The following FBXL2 variants were observed in gnomAD, a reference collection of about 807,000 sequenced individuals.
The protein encoded by FBXL2 is F-box/LRR-repeat protein 2.
In FBXL2, 38 loss-of-function variants were observed where a neutral mutation model predicts 69.2. The ratio of observed to expected loss-of-function variants is 0.55; its 90% CI spans 0.42 to 0.72. The LOEUF is 0.72. Among genes scored for constraint, FBXL2 ranks in the 30% least tolerant of loss-of-function variants. The pLI, the probability that FBXL2 is intolerant of heterozygous loss-of-function variation, is 0.00. For synonymous variants in FBXL2, 192 were observed against 201.3 expected, an observed-to-expected ratio of 0.95 and a Z score of 0.39; for missense variants, 354 against 520.3, an observed-to-expected ratio of 0.68 and a Z score of 3.11.
At chr3:33,382,817 G>A (rs543672715) in intron 13 of FBXL2, 4 of 152,216 alleles carry the variant, frequency 2.6e-5, no homozygotes, top group African/African-American at 9.6e-5. Context: ...CACTGACCTT[G>A]GAATCAGAAC....
At chr3:33,400,475 TAA>T (rs35268943) in intron 12 of FBXL2, among the ~76,000 whole-genome samples, 1 of 151,960 alleles carries the variant, frequency 6.6e-6, no homozygotes, top group Non-Finnish European at 1.5e-5. Flanking sequence ...TATTCAGCCA[TAA>T]AAAAAGAGAA....
At position 33,307,686 on chromosome 3, in the gene FBXL2, TGA is replaced by T. The variant is rs750577746; in HGVS notation, c.65+9966_65+9967del. ...CTACTCTCAAACATTTCAGAGAAAA[TGA>T]GAGATATATATATAATATATTAAAT... On this transcript the variant is annotated intron_variant, in intron 2 of 14. Transcript: ENST00000484457. Among the ~76,000 whole-genome samples, 293 of 151,744 alleles carry T rather than the reference TGA, an allele frequency of 1.9e-3. 3 individuals carry two copies. The highest frequency in any genetic ancestry group is 1.6e-3 in the Non-Finnish European group (107 of 67,914).
At chr3:33,361,180 C>T (rs58483302) in intron 4 of FBXL2, among the ~76,000 whole-genome samples, 37,450 of 146,776 alleles carry the variant, frequency 0.26, 5,648 homozygotes, top group East Asian at 0.47. Flanking sequence ...CTCCTGACAT[C>T]GTGATCCGCC....
intron 10 of FBXL2, 31 bp from the exon 11 acceptor site, chr3:33,377,242 G>C: frequency 6.2e-7 from 1 of 1,605,074 alleles, no homozygotes. Flanking sequence ...AGTTGGTACC[G>C]TTTTCTCCCC....
intron 2 of FBXL2, among the ~76,000 whole-genome samples, chr3:33,328,430 C>G (rs2038879052): frequency 6.6e-6 from 1 of 152,142 alleles, no homozygotes; most frequent in South Asian, 2.1e-4. Flanking sequence ...AGGCATTACA[C>G]TACCTGACTT....
intron 1 of FBXL2, chr3:33,278,414 A>C (rs1377934172): frequency 6.6e-6 from 1 of 152,214 alleles, no homozygotes. Flanking sequence ...AGGTGTAGGT[A>C]ATAGGGAAAT....
intron 2 of FBXL2, among the ~76,000 whole-genome samples, chr3:33,356,050 A>C (rs754027558): frequency 2.4e-4 from 37 of 152,132 alleles, no homozygotes; most frequent in Non-Finnish European, 3.7e-4. Flanking sequence ...TCATAAAACT[A>C]GGTATGAGAT....
chr3:33,396,220 C>G, intron 12 of FBXL2: 1 of 1,595,204 alleles, frequency 6.3e-7, no homozygotes, highest in African/African-American at 1.3e-5. Context: ...GCTGCCCTTG[C>G]AGCACTGTGC....
chr3:33,286,399 G>A (rs1224527167), intron 1 of FBXL2, among the ~76,000 whole-genome samples: 1 of 152,220 alleles, frequency 6.6e-6, no homozygotes, highest in Admixed American at 6.5e-5. Context: ...TCCTCTGGAA[G>A]CTTCGTCTCA....
At chr3:33,350,563 G>T (rs1172802935) in intron 2 of FBXL2, among the ~76,000 whole-genome samples, 2 of 152,064 alleles carry the variant, frequency 1.3e-5, no homozygotes, top group Non-Finnish European at 2.9e-5. Flanking sequence ...CTCCCCGGTA[G>T]CTGGGATTAC....
intron 12 of FBXL2, chr3:33,400,315 G>C: frequency 6.6e-7 from 1 of 1,508,334 alleles, no homozygotes; most frequent in Non-Finnish European, 9.0e-7. Flanking sequence ...TAAATAAAAG[G>C]AACCATTCAG....
At chr3:33,286,037 C>T (rs1303083200) in intron 1 of FBXL2, among the ~76,000 whole-genome samples, 1 of 152,178 alleles carries the variant, frequency 6.6e-6, no homozygotes, top group East Asian at 1.9e-4. Flanking sequence ...AAGCCTTCTT[C>T]TCTCAAAGTC....
intron 12 of FBXL2, 33 bp from the exon 13 acceptor site, chr3:33,378,652 G>T: frequency 6.2e-7 from 1 of 1,601,654 alleles, no homozygotes; most frequent in Non-Finnish European, 8.5e-7. Flanking sequence ...TTCTGGTGTA[G>T]AAGCCACACT....
At position 33,375,062 on chromosome 3, in the gene FBXL2, A is replaced by AT. The variant is rs2042549567; in HGVS notation, c.658-220dup. ...TTATATTATTTAAAATTTTTACTTT[A>AT]TTTTTTCCTGGATGCATGTATCTTA... On this transcript the variant is annotated intron_variant, in intron 9 of 14. Transcript: ENST00000484457. Among the ~76,000 whole-genome samples, 4 of 152,130 alleles carry AT rather than the reference A, an allele frequency of 2.6e-5. No individual in the cohort carries two copies. The South Asian group carries it at 8.3e-4, about 31-fold the overall frequency.
At chr3:33,342,010 T>G (rs186700359) in intron 2 of FBXL2, among the ~76,000 whole-genome samples, 1 of 142,640 alleles carries the variant, frequency 7.0e-6, no homozygotes, top group African/African-American at 2.6e-5. Context: ...TTATCTTTTT[T>G]TTTTTTTTTT....
At chr3:33,286,366 G>T (rs967082150) in intron 1 of FBXL2, among the ~76,000 whole-genome samples, 3 of 152,164 alleles carry the variant, frequency 2.0e-5, no homozygotes, top group Admixed American at 1.3e-4. Flanking sequence ...ATTGCAGAAC[G>T]GCAAATGTTG....
intron 1 of FBXL2, among the ~76,000 whole-genome samples, chr3:33,281,739 A>ATTTTTT (rs772287685): frequency 8.4e-4 from 127 of 152,076 alleles, no homozygotes; most frequent in Non-Finnish European, 1.5e-3. Flanking sequence ...TCGCCATTCT[A>ATTTTTT]ACTGGTGTGA....
intron 2 of FBXL2, among the ~76,000 whole-genome samples, chr3:33,321,524 A>G (rs939873337): frequency 3.3e-5 from 5 of 152,222 alleles, no homozygotes; most frequent in Non-Finnish European, 7.3e-5. Flanking sequence ...GACATTATCC[A>G]CAGTTGGAGA....
At chr3:33,348,214 AG>A (rs1252789897) in intron 2 of FBXL2, among the ~76,000 whole-genome samples, 1 of 152,146 alleles carries the variant, frequency 6.6e-6, no homozygotes, top group Non-Finnish European at 1.5e-5. Flanking sequence ...GGTGAGAGAT[AG>A]GGGTCTAGTT....
Sources: gnomAD v4.1 joint callset for allele counts (sites outside exome capture counted in the v4.1 genomes callset) on GRCh38, gnomAD v4.1.1 for gene constraint, MANE v1.5 for transcripts, NCBI Gene and HGNC (gene_info 2026-07-23, HGNC 2026-07-21) for gene names.